ALPK1: variants seen among roughly 807,000 people sequenced by gnomAD.
ALPK1 encodes the protein alpha kinase 1, also known as alpha-protein kinase 1.
In ALPK1, 110 loss-of-function variants were observed where a neutral mutation model predicts 120.6. The observed-to-expected ratio is 0.91, with a 90% CI of 0.78 to 1.07. ALPK1 has a LOEUF of 1.07. Among genes scored for constraint, ALPK1 ranks in the 50% least tolerant of loss-of-function variants. The probability of loss-of-function intolerance (pLI) is 0.00; values close to 1 mark genes in which losing one functional copy is unlikely to be tolerated. For synonymous variants in ALPK1, 582 were observed against 560.3 expected, an observed-to-expected ratio of 1.04 and a Z score of -0.55; for missense variants, 1,498 against 1,483.9, an observed-to-expected ratio of 1.01 and a Z score of -0.16.
At chr4:112,420,412 C>G (rs1190363469) in intron 5 of ALPK1, among the ~76,000 whole-genome samples, 2 of 152,188 alleles carry the variant, frequency 1.3e-5, no homozygotes, top group African/African-American at 4.8e-5. Context: ...ATTCCTCCCT[C>G]AGAGCCTCGT....
intron 2 of ALPK1, among the ~76,000 whole-genome samples, chr4:112,360,955 A>G (rs1730886627): frequency 6.6e-6 from 1 of 152,106 alleles, no homozygotes; most frequent in South Asian, 2.1e-4. Context: ...TTTGTTATTT[A>G]TCCTGCTTAG....
chr4:112,424,978 A>G (rs1223682023), intron 6 of ALPK1: 1 of 152,256 alleles, frequency 6.6e-6, no homozygotes, highest in Non-Finnish European at 1.5e-5. Flanking sequence ...AAACAACAAA[A>G]AGCCCTTTCA....
chr4:112,356,751 C>A, intron 2 of ALPK1: 1 of 789,618 alleles, frequency 1.3e-6, no homozygotes, highest in Non-Finnish European at 2.3e-6. Flanking sequence ...GGAGTATGCC[C>A]TTATTACCTG....
chr4:112,300,443 A>C (rs1578440589), intron 1 of ALPK1, among the ~76,000 whole-genome samples: 1 of 152,018 alleles, frequency 6.6e-6, no homozygotes, highest in African/African-American at 2.4e-5. Context: ...TATTGCTAAT[A>C]ATATATAGTA....
chr4:112,357,178 G>C (rs1730672449), intron 2 of ALPK1: 3 of 1,545,804 alleles, frequency 1.9e-6, no homozygotes, highest in Non-Finnish European at 2.7e-6. Context: ...ACATCTTTGA[G>C]CTGTTTGCTG....
chr4:112,359,983 T>C (rs937083264), intron 2 of ALPK1, among the ~76,000 whole-genome samples: 1 of 152,194 alleles, frequency 6.6e-6, no homozygotes, highest in African/African-American at 2.4e-5. Flanking sequence ...ACTATAGTTA[T>C]TAACTATAGT....
chr4:112,310,753 T>A lies in ALPK1; in HGVS notation c.-152-5048T>A, dbSNP rs541297866. Among the ~76,000 whole-genome samples, 123 of 152,230 alleles carry A rather than the reference T, an allele frequency of 8.1e-4. 1 individual carries two copies. Among genetic ancestry groups the A allele is most frequent in the African/African-American group, 2.8e-3 (118 of 41,482 alleles). On this transcript the variant is annotated intron_variant, in intron 1 of 15. Transcript: ENST00000650871. ...ATGAGGATAACAACGTCCATTTTCC[T>A]TAAGTTTTTTTTGATAATTAAATGA...
At chr4:112,374,945 T>G (rs1731585497) in intron 2 of ALPK1, among the ~76,000 whole-genome samples, 1 of 152,176 alleles carries the variant, frequency 6.6e-6, no homozygotes, top group Non-Finnish European at 1.5e-5. Context: ...GTATAATTCT[T>G]AAGGGTCTTA....
intron 1 of ALPK1, among the ~76,000 whole-genome samples, chr4:112,298,110 C>T (rs948551389): frequency 2.6e-5 from 4 of 152,080 alleles, no homozygotes; most frequent in Admixed American, 2.6e-4. Context: ...GAAATTAGTA[C>T]TTTAGAGTAC....
chr4:112,317,175 T>C (rs897204710), intron 2 of ALPK1, among the ~76,000 whole-genome samples: 7 of 152,182 alleles, frequency 4.6e-5, no homozygotes, highest in Non-Finnish European at 1.0e-4. Context: ...AAATATTTTT[T>C]CTCATTTCAT....
rs1325795061 is a variant in ALPK1 at position 112,441,843 on chromosome 4, C to G, written c.*633C>G. 6.6e-6 allele frequency: 1 copy of G among 152,524 alleles called. No individual in the cohort carries two copies. Among genetic ancestry groups the G allele is most frequent in the Non-Finnish European group, 1.5e-5 (1 of 68,384 alleles). 9.4% of individuals were successfully genotyped at this position (152,524 alleles called of 1,614,324 possible). ...GGAAGAGTGGTACAGTTTTCTTTAT[C>G]CAGTCTGTCCTTGATGGGCATTTAG... On this transcript the variant is annotated 3_prime_UTR_variant, in exon 16 of 16. Coordinates refer to ENST00000650871, the MANE Select transcript of ALPK1 (RefSeq NM_025144.4).
intron 5 of ALPK1, among the ~76,000 whole-genome samples, chr4:112,413,948 A>G (rs1733609693): frequency 6.6e-6 from 1 of 152,204 alleles, no homozygotes; most frequent in Non-Finnish European, 1.5e-5. Flanking sequence ...TAAAAGTGCC[A>G]CAGAAAGACA....
intron 1 of ALPK1, among the ~76,000 whole-genome samples, chr4:112,304,391 C>T (rs1375854512): frequency 6.6e-6 from 1 of 152,116 alleles, no homozygotes; most frequent in Non-Finnish European, 1.5e-5. Context: ...TCCTATTTCT[C>T]CACATCCTCT....
intron 4 of ALPK1, among the ~76,000 whole-genome samples, chr4:112,386,078 T>A (rs937966090): frequency 6.6e-6 from 1 of 152,076 alleles, no homozygotes; most frequent in African/African-American, 2.4e-5. Flanking sequence ...AGTTCATGAG[T>A]TGGTAAAATT....
At chr4:112,321,138 C>T (rs1485645000) in intron 2 of ALPK1, among the ~76,000 whole-genome samples, 1 of 151,946 alleles carries the variant, frequency 6.6e-6, no homozygotes, top group Non-Finnish European at 1.5e-5. Context: ...ACCTCATGAT[C>T]CTCCCGCCTA....
At chr4:112,304,750 TTTAA>T (rs1406714362) in intron 1 of ALPK1, among the ~76,000 whole-genome samples, 1 of 152,136 alleles carries the variant, frequency 6.6e-6, no homozygotes, top group Non-Finnish European at 1.5e-5. Flanking sequence ...AGCTCTTTAG[TTTAA>T]TTAGATCCCA....
At chr4:112,425,578 GT>G (rs1734201153) in intron 6 of ALPK1, 86 bp from the exon 7 acceptor site, 5 of 1,073,108 alleles carry the variant, frequency 4.7e-6, no homozygotes. Flanking sequence ...GATGTCACAT[GT>G]GCTCATGAAG....
intron 2 of ALPK1, among the ~76,000 whole-genome samples, chr4:112,351,447 T>A (rs1384985152): frequency 1.3e-5 from 2 of 151,752 alleles, no homozygotes; most frequent in African/African-American, 4.8e-5. Context: ...AAAATATACT[T>A]TGCTTTAAAA....
chr4:112,403,826 C>G (rs1215663346), intron 4 of ALPK1, among the ~76,000 whole-genome samples: 1 of 152,300 alleles, frequency 6.6e-6, no homozygotes, highest in East Asian at 1.9e-4. Context: ...AGGTCACCCT[C>G]TCTCAGGCTT....
Sources: gnomAD v4.1 joint callset for allele counts (sites outside exome capture counted in the v4.1 genomes callset) on GRCh38, gnomAD v4.1.1 for gene constraint, MANE v1.5 for transcripts, NCBI Gene and HGNC (gene_info 2026-07-23, HGNC 2026-07-21) for gene names.